The following ZSCAN32 variants were observed in gnomAD, a reference collection of about 807,000 sequenced individuals.
ZSCAN32 encodes the protein zinc finger and SCAN domain containing 32, also known as zinc finger and SCAN domain-containing protein 32.
A neutral mutation model predicts 47.4 loss-of-function variants in ZSCAN32; 52 were observed. The observed-to-expected ratio is 1.10, with a 90% CI of 0.88 to 1.38. The LOEUF (loss-of-function observed/expected upper bound fraction) is 1.38, where lower values mean the gene tolerates loss of function less well. Ranked by LOEUF, ZSCAN32 falls within the 40% of genes most tolerant of loss-of-function variation. The probability of loss-of-function intolerance (pLI) is 0.00; values close to 1 mark genes in which losing one functional copy is unlikely to be tolerated. For synonymous variants in ZSCAN32, 346 were observed against 305.7 expected, an observed-to-expected ratio of 1.13 and a Z score of -1.38; for missense variants, 959 against 846.0, an observed-to-expected ratio of 1.13 and a Z score of -1.66.
intron 5 of ZSCAN32, among the ~76,000 whole-genome samples, chr16:3,387,966 C>G (rs1330584473): frequency 6.6e-6 from 1 of 152,190 alleles, no homozygotes; most frequent in Admixed American, 6.5e-5. Flanking sequence ...TGCCCAGAAC[C>G]GCACAAGGCT....
intron 1 of ZSCAN32, 21 bp from the exon 2 acceptor site, chr16:3,397,765 C>CA: frequency 1.8e-6 from 1 of 555,450 alleles, no homozygotes; most frequent in East Asian, 3.2e-5. Flanking sequence ...TGGAAAAAGA[C>CA]AATATAAACC....
rs370883395 is a variant in ZSCAN32 at position 3,397,076 on chromosome 16, CCTT to C, written c.366+113_366+115del. 110 of 1,336,072 alleles carry C rather than the reference CCTT, an allele frequency of 8.2e-5. No individual in the cohort carries two copies. In the African/African-American group the frequency reaches 1.4e-3, roughly 18 times the overall value. 82.8% of individuals were successfully genotyped at this position (1,336,072 alleles called of 1,614,324 possible). A position where few individuals can be genotyped will look rare whatever the true frequency, so the allele number is the denominator to read the frequency against. ...TAGGACCAATCCAAGACAGCCAAGACCTTCTGTGGGCAGCAGAGGGCTACTGTG... is the reference window on the plus strand; with the variant it reads ...TAGGACCAATCCAAGACAGCCAAGACCTGTGGGCAGCAGAGGGCTACTGTG... On this transcript the variant is annotated intron_variant, in intron 2 of 6. Transcript: ENST00000396852.
intron 3 of ZSCAN32, among the ~76,000 whole-genome samples, chr16:3,391,423 A>C (rs2032682248): frequency 6.6e-6 from 1 of 152,210 alleles, no homozygotes; most frequent in Non-Finnish European, 1.5e-5. Context: ...CACGCCTGTA[A>C]TCCCAGCACT....
intron 4 of ZSCAN32, 106 bp from the exon 5 acceptor site, chr16:3,390,239 C>A: frequency 6.8e-7 from 1 of 1,465,052 alleles, no homozygotes; most frequent in South Asian, 1.4e-5. Context: ...AAGGCAAAGG[C>A]AGGGGAGGTC....
Position 3,383,146 on chromosome 16 carries a change from G to T in ZSCAN32, c.1800C>A (p.Thr600=). The T allele has an allele frequency of 6.2e-7, 1 of 1,614,068 alleles. No individual in the cohort carries two copies. The highest frequency in any genetic ancestry group is 8.5e-7 in the Non-Finnish European group (1 of 1,180,020). ...SSLIVHQRTH[T]GEKPYQCIVC... is the part of the protein sequence containing the mutation. ...CAATGCACTGGTAAGGCTTTTCCCC[G>T]GTATGGGTCCTCTGGTGGACAATGA... The change falls in exon 7 of 7, where the codon ACC becomes ACA. Residue 600 remains threonine, a synonymous_variant. Transcript: ENST00000396852.
chr16:3,398,438 CG>C (rs1567330610), intron 1 of ZSCAN32, among the ~76,000 whole-genome samples: 1 of 152,304 alleles, frequency 6.6e-6, no homozygotes, highest in Admixed American at 6.5e-5. Flanking sequence ...TCTGAATTTC[CG>C]GGGAGGCTGA....
At chr16:3,394,376 G>A (rs1455380761) in intron 2 of ZSCAN32, among the ~76,000 whole-genome samples, 1 of 152,214 alleles carries the variant, frequency 6.6e-6, no homozygotes, top group Non-Finnish European at 1.5e-5. Flanking sequence ...TGTCAGAAGA[G>A]AGAATGTCAG....
chr16:3,399,482 T>C (rs940425933), intron 1 of ZSCAN32, among the ~76,000 whole-genome samples: 3 of 152,250 alleles, frequency 2.0e-5, no homozygotes, highest in African/African-American at 7.2e-5. Flanking sequence ...GAGGACAATA[T>C]ACTCAAGTCT....
At position 3,383,149 on chromosome 16, in the gene ZSCAN32, A is replaced by T. The variant is rs1221996715; in HGVS notation, c.1797T>A (p.His599Gln). The change falls in exon 7 of 7, where the codon CAT becomes CAA. Residue 599 changes from histidine (H) to glutamine (Q), a missense_variant. By Grantham distance (24) the His-to-Gln change is conservative. Transcript: ENST00000396852. ...SSSLIVHQRT[H>Q]TGEKPYQCIV... ...TGCACTGGTAAGGCTTTTCCCCGGT[A>T]TGGGTCCTCTGGTGGACAATGAGGC... 6.2e-7 allele frequency: 1 copy of T among 1,614,142 alleles called. No homozygotes were observed. Among genetic ancestry groups the T allele is most frequent in the East Asian group, 2.2e-5 (1 of 44,880 alleles).
At position 3,390,677 on chromosome 16, in the gene ZSCAN32, AT is replaced by A. The variant is rs531616663; in HGVS notation, c.533-161del. 4.1e-3 allele frequency among the ~76,000 whole-genome samples: 623 copies of A among 152,316 alleles called. 1 individual carries two copies. The highest frequency in any genetic ancestry group is 0.02 in the Middle Eastern group (6 of 294). Reference sequence around the variant, plus strand: ...CCACCTCAGATCTTCTGAATCGGAAATTCTGGAGGTGGGGCCTAGGACTCTG... The same window carrying A: ...CCACCTCAGATCTTCTGAATCGGAAATCTGGAGGTGGGGCCTAGGACTCTG... On this transcript the variant is annotated intron_variant, in intron 3 of 6. Coordinates refer to ENST00000396852, the MANE Select transcript of ZSCAN32 (RefSeq NM_001284527.2).
At chr16:3,389,951 C>T in intron 5 of ZSCAN32, 59 bp downstream of exon 5, 2 of 1,502,438 alleles carry the variant, frequency 1.3e-6, no homozygotes, top group Non-Finnish European at 1.8e-6. Context: ...CAAGTCCTTT[C>T]AGCCTCTCTG....
chr16:3,390,045 C>T lies in ZSCAN32; in HGVS notation c.716G>A (p.Gly239Asp), dbSNP rs1284793183. 7 of 1,613,684 alleles carry T rather than the reference C, an allele frequency of 4.3e-6. No individual in the cohort carries two copies. Among genetic ancestry groups the T allele is most frequent in the Non-Finnish European group, 5.1e-6 (6 of 1,179,884 alleles). ...PGPAQRALYR[G>D]ATQRKDSHVS... Reference sequence around the variant, plus strand: ...GTGACTGTCCTTCCTCTGGGTGGCACCCCTGTAGAGGGCCCTTTGTGCAGG... The same window carrying T: ...GTGACTGTCCTTCCTCTGGGTGGCATCCCTGTAGAGGGCCCTTTGTGCAGG... Residue 239 changes from glycine to aspartate, a missense_variant, in exon 5 of 7, where the codon GGT (glycine) becomes GAT (aspartate). Gly to Asp is a moderately conservative substitution (Grantham distance 94). Coordinates refer to ENST00000396852, the MANE Select transcript of ZSCAN32 (RefSeq NM_001284527.2).
At chr16:3,398,309 T>C (rs1031509623) in intron 1 of ZSCAN32, among the ~76,000 whole-genome samples, 1 of 152,022 alleles carries the variant, frequency 6.6e-6, no homozygotes, top group African/African-American at 2.4e-5. Flanking sequence ...GACTCCTCTG[T>C]GGCTCCCACC....
Position 3,384,539 on chromosome 16 carries a change from T to C in ZSCAN32, c.1154A>G (p.Asp385Gly), listed in dbSNP as rs1596444361. 1.3e-5 allele frequency: 21 copies of C among 1,614,176 alleles called. No individual in the cohort carries two copies. Among genetic ancestry groups the C allele is most frequent in the Non-Finnish European group, 1.8e-5 (21 of 1,180,036 alleles). The stretch of plus-strand genomic sequence containing the variant: ...ATTCCTGAAGTCCTTTTCATCCCTG[T>C]CTGCACCATCCACAGTGCCATCTTC... ...EVEDGTVDGA[D>G]RDEKDFRNPG... The change falls in exon 6 of 7, where the codon GAC (aspartate) becomes GGC (glycine). Residue 385 changes from aspartate to glycine, a missense_variant. By Grantham distance (94) the Asp-to-Gly change is moderately conservative. Transcript: ENST00000396852.
intron 2 of ZSCAN32, among the ~76,000 whole-genome samples, chr16:3,396,020 A>G (rs927493470): frequency 6.6e-6 from 1 of 152,180 alleles, no homozygotes; most frequent in African/African-American, 2.4e-5. Flanking sequence ...TAAAATAAAC[A>G]TAAGTGTGAT....
chr16:3,393,239 T>TATATATA (rs372485512), intron 3 of ZSCAN32, among the ~76,000 whole-genome samples: 6 of 18,630 alleles, frequency 3.2e-4, no homozygotes, highest in African/African-American at 4.7e-4. Context: ...AATTTATATA[T>TATATATA]TTTATATATA....
At chr16:3,399,094 G>A (rs561800559) in intron 1 of ZSCAN32, among the ~76,000 whole-genome samples, 21 of 152,250 alleles carry the variant, frequency 1.4e-4, no homozygotes, top group African/African-American at 4.3e-4. Context: ...ATGGTGGCAC[G>A]CACCTGTAGT....
intron 5 of ZSCAN32, among the ~76,000 whole-genome samples, chr16:3,388,604 C>T (rs1383026645): frequency 6.6e-6 from 1 of 152,212 alleles, no homozygotes; most frequent in Middle Eastern, 3.2e-3. Context: ...ACTGTAGGCA[C>T]TAAATTAATA....
rs576496219 is a variant in ZSCAN32 at position 3,388,602 on chromosome 16, C to T, written c.751+1408G>A. Reference sequence around the variant, plus strand: ...AGAACTAGGTCTGAGATACTGTAGGCACTAAATTAATATTTGTGGAAAGAA... The same window carrying T: ...AGAACTAGGTCTGAGATACTGTAGGTACTAAATTAATATTTGTGGAAAGAA... On this transcript the variant is annotated intron_variant, in intron 5 of 6. Transcript: ENST00000396852. 8.5e-5 allele frequency among the ~76,000 whole-genome samples: 13 copies of T among 152,312 alleles called. 1 individual carries two copies. Among genetic ancestry groups the T allele is most frequent in the African/African-American group, 2.9e-4 (12 of 41,572 alleles).
Sources: gnomAD v4.1 joint callset for allele counts (sites outside exome capture counted in the v4.1 genomes callset) on GRCh38, gnomAD v4.1.1 for gene constraint, MANE v1.5 for transcripts, NCBI Gene and HGNC (gene_info 2026-07-23, HGNC 2026-07-21) for gene names.